SPATA13: variants seen among roughly 807,000 people sequenced by gnomAD.
SPATA13 encodes spermatogenesis associated 13.
In SPATA13, 50 loss-of-function variants were observed where a neutral mutation model predicts 104.0. The observed-to-expected ratio is 0.48, with a 90% CI of 0.38 to 0.61. The LOEUF is 0.61. SPATA13 is among the 20% of genes least tolerant of loss of function. The pLI is 0.00. For synonymous variants in SPATA13, 606 were observed against 667.5 expected (o/e 0.91, Z 1.42); for missense variants, 1,524 against 1,690.6 (o/e 0.90, Z 1.73).
At chr13:24,110,479 G>A (rs572070150) in intron 3 of SPATA13, among the ~76,000 whole-genome samples, 51 of 152,202 alleles carry the variant, frequency 3.4e-4, no homozygotes, top group African/African-American at 1.1e-3. Flanking sequence ...TGACTCTGCC[G>A]GCTGCTGTAG....
At chr13:24,188,712 A>T (rs905092091) in intron 1 of SPATA13, among the ~76,000 whole-genome samples, 27 of 152,170 alleles carry the variant, frequency 1.8e-4, no homozygotes, top group African/African-American at 6.5e-4. Flanking sequence ...CAAACAACAG[A>T]TTTTCAGTGT....
At chr13:24,268,310 C>G (rs919006897) in intron 4 of SPATA13, among the ~76,000 whole-genome samples, 1 of 152,058 alleles carries the variant, frequency 6.6e-6, no homozygotes, top group African/African-American at 2.4e-5. Context: ...AGACTTTACA[C>G]GAGAGAGAGA....
intron 3 of SPATA13, among the ~76,000 whole-genome samples, chr13:24,081,054 A>AT (rs1363081678): frequency 6.6e-6 from 1 of 152,246 alleles, no homozygotes; most frequent in Non-Finnish European, 1.5e-5. Context: ...TGTTCTATTC[A>AT]TTCATCTAAG....
At chr13:24,122,692 C>G in intron 3 of SPATA13, 1 of 979,960 alleles carries the variant, frequency 1.0e-6, no homozygotes, top group Non-Finnish European at 1.7e-6. Flanking sequence ...TCTGTATCAA[C>G]TGTTACATAA....
intron 2 of SPATA13, among the ~76,000 whole-genome samples, chr13:23,987,318 A>G (rs966181290): frequency 6.6e-6 from 1 of 152,212 alleles, no homozygotes; most frequent in Non-Finnish European, 1.5e-5. Context: ...ATGAGGAGCC[A>G]CACTGCTTGT....
At chr13:24,199,090 T>C (rs1870255171) in intron 1 of SPATA13, among the ~76,000 whole-genome samples, 1 of 152,114 alleles carries the variant, frequency 6.6e-6, no homozygotes, top group Non-Finnish European at 1.5e-5. Context: ...GATTTTATCA[T>C]GTTGCTCAGG....
chr13:24,152,415 C>A (rs1454259593), intron 3 of SPATA13, among the ~76,000 whole-genome samples: 1 of 152,272 alleles, frequency 6.6e-6, no homozygotes, highest in Non-Finnish European at 1.5e-5. Context: ...CCACTTTCCT[C>A]TGTGCCTACT....
intron 3 of SPATA13, among the ~76,000 whole-genome samples, chr13:24,053,267 G>A (rs1334532971): frequency 1.3e-5 from 2 of 152,144 alleles, no homozygotes; most frequent in Non-Finnish European, 1.5e-5. Context: ...TTCGGCCTCA[G>A]TGCTGTGATC....
At chr13:24,159,171 A>G (rs1484047793), upstream of SPATA13, among the ~76,000 whole-genome samples, 3 of 152,128 alleles carry the variant, frequency 2.0e-5, no homozygotes, top group Admixed American at 2.0e-4. Context: ...TCATTTTAGC[A>G]TTTGTGAGTG....
At chr13:24,105,865 G>A (rs1458788860) in intron 3 of SPATA13, among the ~76,000 whole-genome samples, 1 of 152,136 alleles carries the variant, frequency 6.6e-6, no homozygotes, top group African/African-American at 2.4e-5. Context: ...CACACAGAGG[G>A]TAGACCTTGT....
intron 3 of SPATA13, among the ~76,000 whole-genome samples, chr13:24,104,944 C>A (rs1880389203): frequency 6.6e-6 from 1 of 152,160 alleles, no homozygotes; most frequent in Non-Finnish European, 1.5e-5. Flanking sequence ...AGAATGGTGT[C>A]ATCTCCATTT....
intron 3 of SPATA13, among the ~76,000 whole-genome samples, chr13:24,024,936 A>G (rs1452956481): frequency 3.4e-4 from 11 of 32,072 alleles, no homozygotes; most frequent in Non-Finnish European, 6.7e-4. Context: ...TCAAATTCAT[A>G]TATATATAAA....
At chr13:24,042,694 A>C (rs1163770970) in intron 3 of SPATA13, among the ~76,000 whole-genome samples, 1 of 152,228 alleles carries the variant, frequency 6.6e-6, no homozygotes, top group South Asian at 2.1e-4. Context: ...TGCATTGTGC[A>C]TGCATATAAT....
intron 1 of SPATA13, among the ~76,000 whole-genome samples, chr13:24,197,669 C>T (rs75649545): frequency 0.021 from 3,154 of 152,276 alleles, 106 homozygotes; most frequent in African/African-American, 0.071. Flanking sequence ...AAATAAAGTA[C>T]GTCCTAGAGA....
At chr13:24,024,375 A>G (rs1002922268) in intron 3 of SPATA13, among the ~76,000 whole-genome samples, 2 of 152,080 alleles carry the variant, frequency 1.3e-5, no homozygotes, top group Admixed American at 6.6e-5. Flanking sequence ...GGATGGATGG[A>G]TGGATGGATA....
intron 4 of SPATA13, among the ~76,000 whole-genome samples, chr13:24,259,978 C>A (rs771618479): frequency 8.5e-5 from 13 of 152,150 alleles, no homozygotes; most frequent in Non-Finnish European, 1.3e-4. Context: ...TTTGAAGATA[C>A]TTCCTTGATT....
At chr13:24,075,472 G>T (rs965790584) in intron 3 of SPATA13, among the ~76,000 whole-genome samples, 1 of 152,060 alleles carries the variant, frequency 6.6e-6, no homozygotes. Flanking sequence ...TAAGCCAAGG[G>T]TTTAAATAAA....
At chr13:24,084,784 C>A (rs1879665685) in intron 3 of SPATA13, among the ~76,000 whole-genome samples, 1 of 152,064 alleles carries the variant, frequency 6.6e-6, no homozygotes, top group Admixed American at 6.5e-5. Context: ...CTGTGAGAAG[C>A]CAAGAGGCAG....
chr13:24,038,569 C>T (rs1032384873), intron 3 of SPATA13, among the ~76,000 whole-genome samples: 24 of 152,186 alleles, frequency 1.6e-4, no homozygotes, highest in Admixed American at 6.5e-4. Flanking sequence ...CAGACGTCTT[C>T]GGTAAAGTGC....
Sources: allele counts gnomAD v4.1 joint callset (sites outside exome capture counted in the v4.1 genomes callset), GRCh38; gene constraint gnomAD v4.1.1; transcripts MANE v1.5; gene names NCBI Gene and HGNC (gene_info 2026-07-23, HGNC 2026-07-21).